PAFAH1B1: variants seen among roughly 807,000 people sequenced by gnomAD.
PAFAH1B1 encodes platelet-activating factor acetylhydrolase IB subunit beta.
In PAFAH1B1, 2 loss-of-function variants were observed where a neutral mutation model predicts 57.5. The ratio of observed to expected loss-of-function variants is 0.03; its 90% confidence interval spans 0.01 to 0.11. The LOEUF (loss-of-function observed/expected upper bound fraction) is 0.11. Among genes scored for constraint, PAFAH1B1 ranks in the 10% least tolerant of loss-of-function variants. PAFAH1B1 has a pLI of 1.00. For missense variants in PAFAH1B1, 257 were observed against 512.0 expected (o/e 0.50, Z 4.81); for synonymous variants, 152 against 169.6 (o/e 0.90, Z 0.81).
At chr17:2,681,632 T>G in intron 10 of PAFAH1B1, 97 bp from the exon 11 acceptor site, 1 of 932,008 alleles carries the variant, frequency 1.1e-6, no homozygotes, top group South Asian at 1.4e-5. Flanking sequence ...CGGCTAATTT[T>G]TTTTTTAATT....
At chr17:2,645,244 AAAAAAC>A (rs1220785011) in intron 2 of PAFAH1B1, among the ~76,000 whole-genome samples, 1 of 152,076 alleles carries the variant, frequency 6.6e-6, no homozygotes, top group African/African-American at 2.4e-5. Context: ...AGATCCTGTC[AAAAAAC>A]AAAAACAAAA....
intron 2 of PAFAH1B1, among the ~76,000 whole-genome samples, chr17:2,656,867 CAT>C (rs1263568033): frequency 1.0e-5 from 1 of 95,800 alleles, no homozygotes; most frequent in African/African-American, 2.7e-5. Context: ...GAATGTCCTA[CAT>C]AGTCTGTTTC....
chr17:2,634,481 T>A (rs1049589252), intron 1 of PAFAH1B1, among the ~76,000 whole-genome samples: 1 of 152,140 alleles, frequency 6.6e-6, no homozygotes, highest in African/African-American at 2.4e-5. Context: ...CTTGACTGAC[T>A]TTCTCCCTTT....
rs2069426465 is a variant in PAFAH1B1, at chr17:2,683,957, A to G, written c.*2155A>G. On this transcript the variant is annotated 3_prime_UTR_variant, in exon 11 of 11. Coordinates refer to ENST00000397195, the MANE Select transcript of PAFAH1B1 (RefSeq NM_000430.4). Reference sequence around the variant, plus strand: ...AAGCCACAACATCTAGAAATCACTCATAGATATTGAACAATAAAGGAGAAT... The same window carrying G: ...AAGCCACAACATCTAGAAATCACTCGTAGATATTGAACAATAAAGGAGAAT... 6.6e-6 allele frequency: 1 copy of G among 152,650 alleles called. No individual in the cohort carries two copies. Among genetic ancestry groups the G allele is most frequent in the African/African-American group, 2.4e-5 (1 of 41,470 alleles). The allele number at this position is 152,650 out of a possible 1,614,324, so 9.5% of individuals were successfully genotyped here. A position where few individuals can be genotyped will look rare whatever the true frequency, so the allele number is the denominator to read the frequency against.
At chr17:2,673,681 C>A (rs2069216252) in intron 7 of PAFAH1B1, 1 of 215,240 alleles carries the variant, frequency 4.6e-6, no homozygotes, top group South Asian at 6.7e-5. Flanking sequence ...TGCTGGTATA[C>A]CTCTGTTAGG....
intron 2 of PAFAH1B1, among the ~76,000 whole-genome samples, chr17:2,657,828 TC>T (rs1459389185): frequency 3.3e-5 from 5 of 152,210 alleles, no homozygotes; most frequent in African/African-American, 1.2e-4. Flanking sequence ...TCTTTTATAT[TC>T]CTTGGTATAA....
chr17:2,657,706 C>A (rs1168248366), intron 2 of PAFAH1B1, among the ~76,000 whole-genome samples: 1 of 152,172 alleles, frequency 6.6e-6, no homozygotes, highest in South Asian at 2.1e-4. Context: ...TCCATTCAGT[C>A]TCATTTCTCT....
At chr17:2,612,454 C>T (rs960858881) in intron 1 of PAFAH1B1, among the ~76,000 whole-genome samples, 13 of 151,834 alleles carry the variant, frequency 8.6e-5, no homozygotes, top group Non-Finnish European at 1.6e-4. Context: ...GTGATCTGCC[C>T]GCCTCAGCCT....
At chr17:2,656,010 G>A (rs2068931689) in intron 2 of PAFAH1B1, among the ~76,000 whole-genome samples, 1 of 151,860 alleles carries the variant, frequency 6.6e-6, no homozygotes, top group Admixed American at 6.6e-5. Context: ...TGCAACCTCC[G>A]CCCCTGGGTT....
chr17:2,605,287 A>G (rs1279781847), intron 1 of PAFAH1B1, among the ~76,000 whole-genome samples: 2 of 152,182 alleles, frequency 1.3e-5, no homozygotes, highest in African/African-American at 4.8e-5. Context: ...CTGAGAAACG[A>G]GGTGTTATTA....
chr17:2,641,889 A>C (rs2068700184), intron 2 of PAFAH1B1: 1 of 152,172 alleles, frequency 6.6e-6, no homozygotes, highest in Non-Finnish European at 1.5e-5. Flanking sequence ...GTGTTTTCTC[A>C]GTCTTGGCAC....
intron 2 of PAFAH1B1, among the ~76,000 whole-genome samples, chr17:2,653,675 A>G (rs186201629): frequency 2.0e-5 from 3 of 152,320 alleles, no homozygotes; most frequent in African/African-American, 7.2e-5. Context: ...AAAGTACACG[A>G]ATGAATTTGG....
Position 2,676,538 on chromosome 17 carries a change from C to A in PAFAH1B1, c.934C>A (p.Leu312Met), listed in dbSNP as rs758825045. The part of the protein sequence containing the change: ...KKSGKPGPFL[L>M]SGSRDKTIKM... ...AAGTGGTAAACCTGGGCCATTCTTG[C>A]TGTCTGGATCCAGAGACAAGACTAT... Residue 312 changes from leucine to methionine, a missense_variant, in exon 9 of 11, where the codon CTG (leucine) becomes ATG (methionine). Leu to Met is a conservative substitution (Grantham distance 15). Transcript: ENST00000397195. 2.5e-6 allele frequency: 4 copies of A among 1,612,762 alleles called. No homozygotes were observed. The South Asian group carries it at 4.4e-5, about 18-fold the overall frequency.
intron 9 of PAFAH1B1, among the ~76,000 whole-genome samples, chr17:2,678,582 A>G (rs1316391581): frequency 6.6e-6 from 1 of 151,792 alleles, no homozygotes; most frequent in Non-Finnish European, 1.5e-5. Context: ...AAAAAAAGAA[A>G]AGAAACAAGA....
intron 1 of PAFAH1B1, among the ~76,000 whole-genome samples, chr17:2,609,145 C>T (rs1226065900): frequency 6.6e-6 from 1 of 152,200 alleles, no homozygotes; most frequent in Non-Finnish European, 1.5e-5. Flanking sequence ...CAGCAGTTAA[C>T]CTAAGCTGAA....
intron 1 of PAFAH1B1, among the ~76,000 whole-genome samples, chr17:2,614,570 C>T (rs1357011856): frequency 6.6e-6 from 1 of 152,114 alleles, no homozygotes; most frequent in Non-Finnish European, 1.5e-5. Context: ...ACTGTGTTTT[C>T]TTCTTGAAGG....
intron 1 of PAFAH1B1, among the ~76,000 whole-genome samples, chr17:2,633,475 CT>C (rs528278757): frequency 2.1e-3 from 290 of 141,424 alleles, no homozygotes; most frequent in Middle Eastern, 3.7e-3. Flanking sequence ...GCCAGGATTT[CT>C]TTTTTTTTTT....
At chr17:2,599,047 T>C (rs1261768661) in intron 1 of PAFAH1B1, among the ~76,000 whole-genome samples, 1 of 152,244 alleles carries the variant, frequency 6.6e-6, no homozygotes, top group Non-Finnish European at 1.5e-5. Context: ...TGTTGAAACT[T>C]ACCTAGATAG....
At chr17:2,611,449 C>T (rs561894833) in intron 1 of PAFAH1B1, among the ~76,000 whole-genome samples, 1 of 148,640 alleles carries the variant, frequency 6.7e-6, no homozygotes, top group African/African-American at 2.5e-5. Context: ...GCCTGGGTGA[C>T]AGAGCAAGAC....
Sources: allele counts gnomAD v4.1 joint callset (sites outside exome capture counted in the v4.1 genomes callset), GRCh38; gene constraint gnomAD v4.1.1; transcripts MANE v1.5; gene names NCBI Gene and HGNC (gene_info 2026-07-23, HGNC 2026-07-21).